RNF214: variants seen among roughly 807,000 people sequenced by gnomAD.
RNF214 encodes ring finger protein 214.
Under a neutral mutation model 75.9 loss-of-function variants are expected in RNF214, and 25 were observed. The observed-to-expected ratio is 0.33, with a 90% CI of 0.24 to 0.46. The LOEUF (loss-of-function observed/expected upper bound fraction) is 0.46, where lower values mean the gene tolerates loss of function less well. Among genes scored for constraint, RNF214 ranks in the 20% least tolerant of loss-of-function variants. The probability of loss-of-function intolerance (pLI) is 1.00; values close to 1 mark genes in which losing one functional copy is unlikely to be tolerated. For missense variants in RNF214, 725 were observed against 857.5 expected, an observed-to-expected ratio of 0.85 and a Z score of 1.93; for synonymous variants, 314 against 308.8, an observed-to-expected ratio of 1.02 and a Z score of -0.18.
intron 2 of RNF214, among the ~76,000 whole-genome samples, chr11:117,236,267 ATTTTTTTGTTT>A (rs1385751445): frequency 1.4e-5 from 2 of 141,714 alleles, no homozygotes; most frequent in Non-Finnish European, 3.1e-5. Flanking sequence ...AGCTCCGTCA[ATTTTTTTGTTT>A]TTTTTTTGTT....
In RNF214 at chr11:117,238,910, C is replaced by T. The variant is rs1393706746; in HGVS notation, c.417C>T (p.Cys139=). The change falls in exon 3 of 15, where the codon TGC becomes TGT. Residue 139 remains cysteine, a synonymous_variant. Transcript: ENST00000300650. ...TCACTCGGTCTCTTAAGGCAGGGTG[C>T]CATACTAAGCAGCTTGCCTCCAGGA... The part of the protein sequence containing the change: ...HPVTRSLKAG[C]HTKQLASRNC... The T allele has an allele frequency of 6.2e-7, 1 of 1,614,134 alleles. No individual in the cohort carries two copies. The highest frequency in any genetic ancestry group is 1.7e-5 in the Admixed American group (1 of 60,014).
intron 6 of RNF214, among the ~76,000 whole-genome samples, chr11:117,257,169 T>C (rs1384584117): frequency 6.6e-6 from 1 of 152,150 alleles, no homozygotes; most frequent in Non-Finnish European, 1.5e-5. Flanking sequence ...AAATCCCATC[T>C]CTACAAAAAA....
intron 6 of RNF214, among the ~76,000 whole-genome samples, chr11:117,250,118 CAGT>C (rs780671325): frequency 1.3e-5 from 2 of 152,138 alleles, no homozygotes; most frequent in African/African-American, 2.4e-5. Flanking sequence ...GATACCATGA[CAGT>C]GGTGGTATGA....
chr11:117,236,537 G>T (rs2032916695), intron 2 of RNF214, among the ~76,000 whole-genome samples: 1 of 152,204 alleles, frequency 6.6e-6, no homozygotes. Context: ...CTCCCAAAGT[G>T]TTGGGATTAC....
chr11:117,236,939 A>G (rs1180831582), intron 2 of RNF214, among the ~76,000 whole-genome samples: 7 of 152,218 alleles, frequency 4.6e-5, no homozygotes, highest in African/African-American at 1.7e-4. Context: ...TGTTTTACAA[A>G]TGAGGTAACT....
chr11:117,252,645 C>G (rs1018546959), intron 6 of RNF214, among the ~76,000 whole-genome samples: 1 of 152,138 alleles, frequency 6.6e-6, no homozygotes, highest in Admixed American at 6.6e-5. Flanking sequence ...CTCAGCCTCC[C>G]GAGTAGCTGG....
At chr11:117,248,384 A>G (rs2033285846) in intron 6 of RNF214, among the ~76,000 whole-genome samples, 1 of 152,174 alleles carries the variant, frequency 6.6e-6, no homozygotes, top group South Asian at 2.1e-4. Context: ...CCAATTTTCT[A>G]AGTTTCTTAA....
In RNF214 at chr11:117,281,618, A is replaced by G; in HGVS notation, c.1255A>G (p.Ile419Val). Reference protein sequence around the residue: ...KNVRDQFNSHIQLVRNGAKLS... With the variant: ...KNVRDQFNSHVQLVRNGAKLS... ...TTTTTAGGACCAATTTAATAGTCAT[A>G]TCCAGTTAGTGAGGAACGGAGCCAA... The change falls in exon 10 of 15, where the codon ATC becomes GTC. Residue 419 changes from isoleucine to valine, a missense_variant. Physicochemically the swap from Ile to Val is conservative, Grantham distance 29. Transcript: ENST00000300650. The G allele has an allele frequency of 3.1e-6, 5 of 1,612,400 alleles. No individual in the cohort carries two copies. The highest frequency in any genetic ancestry group is 4.2e-6 in the Non-Finnish European group (5 of 1,178,634).
At chr11:117,266,305 A>G (rs563684699) in intron 6 of RNF214, among the ~76,000 whole-genome samples, 1 of 151,812 alleles carries the variant, frequency 6.6e-6, no homozygotes, top group East Asian at 1.9e-4. Flanking sequence ...GAGTTTTCTG[A>G]GTTTCTTGAT....
chr11:117,273,934 G>T (rs2033960456), intron 6 of RNF214, among the ~76,000 whole-genome samples: 1 of 152,132 alleles, frequency 6.6e-6, no homozygotes, highest in African/African-American at 2.4e-5. Context: ...ATATCTTAAA[G>T]GGAAAACTTA....
chr11:117,265,848 T>C (rs2033785111), intron 6 of RNF214, among the ~76,000 whole-genome samples: 3 of 152,232 alleles, frequency 2.0e-5, no homozygotes, highest in African/African-American at 7.2e-5. Context: ...AATCAAGGTA[T>C]AGCACATACC....
chr11:117,244,643 T>G lies in RNF214; in HGVS notation c.819+58T>G, dbSNP rs1591820411. ...TAAGCAACAGTCTCTGATCAAACTT[T>G]AATTTTTTAAAAAACTTTATTTATT... On this transcript the variant is annotated intron_variant, in intron 5 of 14. Coordinates refer to ENST00000300650, the MANE Select transcript of RNF214 (RefSeq NM_207343.4). 17 of 1,335,908 alleles carry G rather than the reference T, an allele frequency of 1.3e-5. No individual in the cohort carries two copies. The East Asian group carries it at 4.2e-4, about 33-fold the overall frequency. The allele number at this position is 1,335,908 out of a possible 1,614,324, so 82.8% of individuals were successfully genotyped here. A position where few individuals can be genotyped will look rare whatever the true frequency, so the allele number is the denominator to read the frequency against.
intron 6 of RNF214, among the ~76,000 whole-genome samples, chr11:117,272,239 C>T (rs868585824): frequency 4.6e-5 from 7 of 152,158 alleles, no homozygotes; most frequent in East Asian, 3.9e-4. Context: ...AAAACAACCA[C>T]CAACCACCAC....
At chr11:117,233,139 C>T (rs911587666) in intron 1 of RNF214, among the ~76,000 whole-genome samples, 1 of 152,360 alleles carries the variant, frequency 6.6e-6, no homozygotes, top group East Asian at 1.9e-4. Context: ...CTCGACCCTC[C>T]AGCCAGCTGT....
At chr11:117,266,894 A>C (rs1375256336) in intron 6 of RNF214, among the ~76,000 whole-genome samples, 2 of 108,596 alleles carry the variant, frequency 1.8e-5, no homozygotes, top group Non-Finnish European at 3.5e-5. Context: ...TCACTTCTTC[A>C]CCCAGGCTGG....
chr11:117,279,669 A>T (rs1487714024), intron 6 of RNF214, among the ~76,000 whole-genome samples: 1 of 152,226 alleles, frequency 6.6e-6, no homozygotes, highest in East Asian at 1.9e-4. Context: ...TAGGGCCATT[A>T]TGCAACTGCA....
At chr11:117,251,340 C>A (rs1380411040) in intron 6 of RNF214, among the ~76,000 whole-genome samples, 4 of 130,370 alleles carry the variant, frequency 3.1e-5, no homozygotes, top group Admixed American at 1.5e-4. Context: ...GGCAGAGGCG[C>A]CCCTCACCTC....
intron 3 of RNF214, 64 bp from the exon 4 acceptor site, chr11:117,239,737 T>TA: frequency 1.2e-6 from 1 of 860,534 alleles, no homozygotes; most frequent in Non-Finnish European, 2.0e-6. Flanking sequence ...TTCTAGGTGT[T>TA]AGTGATTCTG....
intron 6 of RNF214, among the ~76,000 whole-genome samples, chr11:117,248,411 A>G (rs1314001372): frequency 6.6e-6 from 1 of 152,230 alleles, no homozygotes; most frequent in Non-Finnish European, 1.5e-5. Flanking sequence ...CTGTTTGGAA[A>G]TCATAATAGC....
Sources: gnomAD v4.1 joint callset for allele counts (sites outside exome capture counted in the v4.1 genomes callset) on GRCh38, gnomAD v4.1.1 for gene constraint, MANE v1.5 for transcripts, NCBI Gene and HGNC (gene_info 2026-07-23, HGNC 2026-07-21) for gene names.